Variants in SLC35F4 observed in about 807,000 individuals in gnomAD.
SLC35F4 encodes the protein solute carrier family 35 member F4.
SLC35F4 carries 24 observed loss-of-function variants against 44.2 expected under a neutral mutation model. The observed-to-expected ratio is 0.54, with a 90% CI of 0.39 to 0.76. The LOEUF is 0.76. SLC35F4 is among the 30% of genes least tolerant of loss of function. The pLI is 0.00. For missense variants in SLC35F4, 562 were observed against 586.1 expected (o/e 0.96, Z 0.42); for synonymous variants, 238 against 223.6 (o/e 1.06, Z -0.57).
chr14:57,709,417 T>A (rs1294430121), intron 1 of SLC35F4, among the ~76,000 whole-genome samples: 2 of 152,170 alleles, frequency 1.3e-5, no homozygotes, highest in Non-Finnish European at 2.9e-5. Flanking sequence ...TCCTAGGTTA[T>A]GATTATAGAG....
At chr14:57,823,736 T>C (rs1451636160) in intron 1 of SLC35F4, among the ~76,000 whole-genome samples, 1 of 152,232 alleles carries the variant, frequency 6.6e-6, no homozygotes, top group Non-Finnish European at 1.5e-5. Context: ...ATTCACAGAA[T>C]ACTGTTAAAG....
intron 1 of SLC35F4, among the ~76,000 whole-genome samples, chr14:57,661,130 G>T (rs2074124105): frequency 1.3e-5 from 2 of 152,098 alleles, no homozygotes; most frequent in South Asian, 4.1e-4. Flanking sequence ...ACCCTTTCAG[G>T]CCTTTCTTTT....
At chr14:57,652,300 C>A (rs1351045383) in intron 1 of SLC35F4, among the ~76,000 whole-genome samples, 1 of 152,182 alleles carries the variant, frequency 6.6e-6, no homozygotes, top group Non-Finnish European at 1.5e-5. Context: ...GACAGGCGTG[C>A]TAGCTTTCTG....
Position 57,589,267 on chromosome 14 carries a change from GAAT to G in SLC35F4, c.533_535del (p.Tyr178del). On this transcript the variant is annotated inframe_deletion, in exon 3 of 8. Coordinates refer to ENST00000556826, the MANE Select transcript of SLC35F4 (RefSeq NM_001306087.2). ...TTCTTGAGCAGTGGCTAGATGACCA[GAAT>G]AATAGACTGGGAAAAACATAATGTT... 6.2e-7 allele frequency: 1 copy of G among 1,613,840 alleles called. No homozygotes were observed. The highest frequency in any genetic ancestry group is 8.5e-7 in the Non-Finnish European group (1 of 1,179,846).
At chr14:57,835,997 G>A (rs1884879660) in intron 1 of SLC35F4, among the ~76,000 whole-genome samples, 1 of 152,184 alleles carries the variant, frequency 6.6e-6, no homozygotes, top group Admixed American at 6.5e-5. Context: ...GCATCAAGAT[G>A]CAGGTTGTGA....
At chr14:57,644,517 C>T (rs2073409720) in intron 1 of SLC35F4, among the ~76,000 whole-genome samples, 1 of 151,706 alleles carries the variant, frequency 6.6e-6, no homozygotes, top group South Asian at 2.1e-4. Context: ...GATATTAGCC[C>T]TTTGTCAGAT....
chr14:57,754,957 T>G (rs2076962579), intron 1 of SLC35F4, among the ~76,000 whole-genome samples: 1 of 152,084 alleles, frequency 6.6e-6, no homozygotes, highest in East Asian at 1.9e-4. Context: ...CTGGTCCTAA[T>G]CAGAAATCTG....
At chr14:57,930,419 G>A (rs1007342353) in intron 1 of SLC35F4, among the ~76,000 whole-genome samples, 3 of 152,082 alleles carry the variant, frequency 2.0e-5, no homozygotes, top group Non-Finnish European at 4.4e-5. Context: ...CCCTGTGCCA[G>A]TTGCTCATTG....
At chr14:57,733,086 T>C (rs1343760500) in intron 1 of SLC35F4, among the ~76,000 whole-genome samples, 2 of 152,092 alleles carry the variant, frequency 1.3e-5, no homozygotes, top group Non-Finnish European at 2.9e-5. Context: ...TCACCAGAAA[T>C]TGCTAACATG....
intron 1 of SLC35F4, among the ~76,000 whole-genome samples, chr14:57,945,634 AC>A (rs1487192990): frequency 1.3e-5 from 2 of 151,982 alleles, no homozygotes; most frequent in Admixed American, 1.3e-4. Context: ...CTGGGTAGAT[AC>A]CCAGTAGTGG....
chr14:57,599,779 G>A (rs1396653691), intron 1 of SLC35F4, among the ~76,000 whole-genome samples: 1 of 149,068 alleles, frequency 6.7e-6, no homozygotes, highest in East Asian at 1.9e-4. Context: ...TCCAGCCTGG[G>A]CGACAGAGCA....
chr14:57,721,678 G>A (rs1405802382), intron 1 of SLC35F4, among the ~76,000 whole-genome samples: 1 of 152,120 alleles, frequency 6.6e-6, no homozygotes, highest in Non-Finnish European at 1.5e-5. Flanking sequence ...GAAAAGAATG[G>A]GACTCTGCAA....
intron 1 of SLC35F4, among the ~76,000 whole-genome samples, chr14:57,709,440 T>C (rs1001855202): frequency 2.0e-5 from 3 of 152,204 alleles, no homozygotes; most frequent in African/African-American, 7.2e-5. Context: ...AGGATTATTA[T>C]AATATTGGAA....
chr14:57,608,948 G>A (rs2071331814), intron 1 of SLC35F4, among the ~76,000 whole-genome samples: 1 of 152,152 alleles, frequency 6.6e-6, no homozygotes, highest in Admixed American at 6.6e-5. Flanking sequence ...AGGGGCAAAA[G>A]CCAGACTGGC....
At chr14:57,585,320 T>TTCC (rs2069624577) in intron 3 of SLC35F4, among the ~76,000 whole-genome samples, 1 of 152,094 alleles carries the variant, frequency 6.6e-6, no homozygotes. Context: ...TTAAACTAGG[T>TTCC]ATGGATGGAA....
chr14:57,660,569 G>C (rs541505044), intron 1 of SLC35F4, among the ~76,000 whole-genome samples: 1 of 150,300 alleles, frequency 6.7e-6, no homozygotes, highest in Admixed American at 6.6e-5. Context: ...CACAGAGGAG[G>C]AGACCACGTG....
At chr14:57,614,878 T>C (rs2140065483) in intron 1 of SLC35F4, among the ~76,000 whole-genome samples, 1 of 152,322 alleles carries the variant, frequency 6.6e-6, no homozygotes, top group East Asian at 1.9e-4. Flanking sequence ...GGGAGAAAGC[T>C]GTGTGACCTT....
intron 3 of SLC35F4, among the ~76,000 whole-genome samples, chr14:57,588,642 C>G (rs2069952041): frequency 6.6e-6 from 1 of 152,172 alleles, no homozygotes. Flanking sequence ...ACAGACAAAG[C>G]CCCCATGTGC....
At chr14:57,637,333 A>G (rs1036799131) in intron 1 of SLC35F4, among the ~76,000 whole-genome samples, 1 of 152,096 alleles carries the variant, frequency 6.6e-6, no homozygotes, top group Non-Finnish European at 1.5e-5. Flanking sequence ...TCAGTTTTGC[A>G]TTGTGGAGAA....
Sources: allele counts gnomAD v4.1 joint callset (sites outside exome capture counted in the v4.1 genomes callset), GRCh38; gene constraint gnomAD v4.1.1; transcripts MANE v1.5; gene names NCBI Gene and HGNC (gene_info 2026-07-23, HGNC 2026-07-21).